PLCL1: variants seen among roughly 807,000 people sequenced by gnomAD.
PLCL1 encodes phospholipase C like 1 (inactive).
A neutral mutation model predicts 84.4 loss-of-function variants in PLCL1; 41 were observed. The observed-to-expected ratio is 0.49, with a 90% CI of 0.38 to 0.63. The LOEUF (loss-of-function observed/expected upper bound fraction) is 0.63. Among genes scored for constraint, PLCL1 ranks in the 30% least tolerant of loss-of-function variants. The pLI is 0.00. For missense variants in PLCL1, 1,206 were observed against 1,367.8 expected (o/e 0.88, Z 1.87); for synonymous variants, 490 against 488.3 (o/e 1.00, Z -0.05).
At chr2:197,844,491 A>G (rs963572895) in intron 1 of PLCL1, among the ~76,000 whole-genome samples, 7 of 152,142 alleles carry the variant, frequency 4.6e-5, no homozygotes, top group Non-Finnish European at 7.4e-5. Context: ...TACATATACC[A>G]TATTCTGCAT....
chr2:197,852,012 A>G (rs911607770), intron 1 of PLCL1, among the ~76,000 whole-genome samples: 1 of 152,232 alleles, frequency 6.6e-6, no homozygotes, highest in East Asian at 1.9e-4. Flanking sequence ...TCATATATGA[A>G]TAAGGATGGT....
At position 197,923,490 on chromosome 2, in the gene PLCL1, C is replaced by G. The variant is rs967448354; in HGVS notation, c.240+118151C>G. On this transcript the variant is annotated intron_variant, in intron 1 of 5. Transcript: ENST00000428675. ...CTCACCTCCCAGACGGGGTCTCGGC[C>G]GGGCAGAGGCGCTCCTCACATCCCA... is the stretch of plus-strand genomic sequence containing the variant. Among the ~76,000 whole-genome samples the G allele has an allele frequency of 1.4e-4, 20 of 145,868 alleles. No homozygotes were observed. In the South Asian group the frequency reaches 1.6e-3, roughly 12 times the overall value.
At chr2:197,924,647 C>G (rs1239680394) in intron 1 of PLCL1, among the ~76,000 whole-genome samples, 1 of 151,718 alleles carries the variant, frequency 6.6e-6, no homozygotes. Flanking sequence ...CTCACAGGGT[C>G]GAGACCGGCT....
chr2:198,099,728 GAAAC>G (rs1325858125), intron 3 of PLCL1, among the ~76,000 whole-genome samples: 2 of 152,106 alleles, frequency 1.3e-5, no homozygotes, highest in Non-Finnish European at 2.9e-5. Context: ...GGGAAAAACA[GAAAC>G]AACTTATACC....
At position 197,805,568 on chromosome 2, in the gene PLCL1, C is replaced by T. The variant is rs948262195; in HGVS notation, c.240+229C>T. Among the ~76,000 whole-genome samples, 6 of 152,308 alleles carry T rather than the reference C, an allele frequency of 3.9e-5. No homozygotes were observed. Among genetic ancestry groups the T allele is most frequent in the East Asian group, 1.9e-4 (1 of 5,180 alleles). On this transcript the variant is annotated intron_variant, in intron 1 of 5. Coordinates refer to ENST00000428675, the MANE Select transcript of PLCL1 (RefSeq NM_006226.4). This position sits in a 1 kb window ranked among gnomAD's most constrained non-coding sequence, Gnocchi z 4.0. ...CTGACGGCAGAGGAAAAGTTCCGCT[C>T]TGCGTCTTTGCGTTCTGATGGATGC...
chr2:198,045,918 C>T (rs1213159217), intron 1 of PLCL1, among the ~76,000 whole-genome samples: 1 of 152,156 alleles, frequency 6.6e-6, no homozygotes, highest in East Asian at 1.9e-4. Context: ...TGACAGAGAT[C>T]TTCATTGCAT....
chr2:197,932,683 C>T (rs1005356586), intron 1 of PLCL1, among the ~76,000 whole-genome samples: 1 of 152,208 alleles, frequency 6.6e-6, no homozygotes, highest in African/African-American at 2.4e-5. Context: ...TTTTAACTTA[C>T]TTCAACTCAA....
intron 1 of PLCL1, among the ~76,000 whole-genome samples, chr2:198,047,116 A>T (rs1691822815): frequency 6.6e-6 from 1 of 151,932 alleles, no homozygotes; most frequent in South Asian, 2.1e-4. Context: ...AGAAAGGATG[A>T]TGTACTAGGC....
intron 1 of PLCL1, among the ~76,000 whole-genome samples, chr2:197,887,678 A>G (rs1184779011): frequency 1.3e-5 from 2 of 152,148 alleles, no homozygotes; most frequent in Admixed American, 6.6e-5. Context: ...CTGGGCTTTT[A>G]GTGTAGCCAT....
chr2:198,136,044 G>T (rs1397070967), intron 5 of PLCL1, among the ~76,000 whole-genome samples: 1 of 151,898 alleles, frequency 6.6e-6, no homozygotes, highest in Non-Finnish European at 1.5e-5. Context: ...GTCTTTTTTT[G>T]GACTAATGAG....
chr2:198,029,646 T>C (rs1691358587), intron 1 of PLCL1, among the ~76,000 whole-genome samples: 2 of 152,068 alleles, frequency 1.3e-5, no homozygotes, highest in African/African-American at 4.8e-5. Context: ...GGCTGATTAT[T>C]CTTCCAGCCA....
chr2:197,952,955 T>C (rs867505915), intron 1 of PLCL1, among the ~76,000 whole-genome samples: 1 of 152,086 alleles, frequency 6.6e-6, no homozygotes, highest in Non-Finnish European at 1.5e-5. Context: ...GTCTTGGGTA[T>C]GTTTTTATCA....
intron 1 of PLCL1, among the ~76,000 whole-genome samples, chr2:197,816,262 T>A (rs1359707063): frequency 6.6e-6 from 1 of 152,130 alleles, no homozygotes; most frequent in Admixed American, 6.5e-5. Context: ...GGCTGAAGGC[T>A]CATAATCATT....
At chr2:197,966,239 T>C (rs1170845635) in intron 1 of PLCL1, among the ~76,000 whole-genome samples, 2 of 151,986 alleles carry the variant, frequency 1.3e-5, no homozygotes, top group Non-Finnish European at 2.9e-5. Context: ...CCTGTGGTTG[T>C]GGAAGAGATG....
intron 1 of PLCL1, among the ~76,000 whole-genome samples, chr2:197,923,258 A>ACC (rs1229801790): frequency 2.7e-5 from 3 of 110,870 alleles, no homozygotes; most frequent in African/African-American, 1.1e-4. Context: ...CGGGGGGCTG[A>ACC]CCCCCCCCAC....
At chr2:198,108,406 T>C (rs1693540507) in intron 5 of PLCL1, among the ~76,000 whole-genome samples, 1 of 151,914 alleles carries the variant, frequency 6.6e-6, no homozygotes, top group African/African-American at 2.4e-5. Flanking sequence ...TCTAAAAATA[T>C]TTAATTCCAG....
intron 1 of PLCL1, among the ~76,000 whole-genome samples, chr2:197,836,390 T>C (rs1691187977): frequency 8.1e-6 from 1 of 123,844 alleles, no homozygotes; most frequent in Admixed American, 1.2e-4. Context: ...GAGCTTGCAG[T>C]GAGCCGAGAT....
At chr2:198,093,775 G>A (rs1232673142) in intron 3 of PLCL1, among the ~76,000 whole-genome samples, 1 of 152,084 alleles carries the variant, frequency 6.6e-6, no homozygotes, top group African/African-American at 2.4e-5. Context: ...TCTTTTTTCA[G>A]TATGGAAAGA....
rs145903236 is a variant in PLCL1, at chr2:197,895,372, A to T, written c.240+90033A>T. On this transcript the variant is annotated intron_variant, in intron 1 of 5. Coordinates refer to ENST00000428675, the MANE Select transcript of PLCL1 (RefSeq NM_006226.4). ...ATCTAAGAGAAGAATATAGGTAAAT[A>T]AAAGATCAATCATTTTTATTTTTCT... is the stretch of plus-strand genomic sequence containing the variant. Among the ~76,000 whole-genome samples, 6 of 152,114 alleles carry T rather than the reference A, an allele frequency of 3.9e-5. No individual in the cohort carries two copies. In the East Asian group the frequency reaches 1.2e-3, roughly 29 times the overall value.
Sources: gnomAD v4.1 joint callset for allele counts (sites outside exome capture counted in the v4.1 genomes callset) on GRCh38, gnomAD v4.1.1 for gene constraint, Gnocchi (gnomAD v3.1) non-coding constraint, MANE v1.5 for transcripts, NCBI Gene and HGNC (gene_info 2026-07-23, HGNC 2026-07-21) for gene names.